CTNNA1: variants seen among roughly 807,000 people sequenced by gnomAD.
CTNNA1 encodes the protein catenin alpha 1.
Under a neutral mutation model 98.4 loss-of-function variants are expected in CTNNA1, and 37 were observed. The observed-to-expected ratio is 0.38, with a 90% confidence interval of 0.29 to 0.49. The LOEUF is 0.49. Ranked by LOEUF, CTNNA1 falls within the 20% of genes least tolerant of loss-of-function variation. The pLI, the probability that CTNNA1 is intolerant of heterozygous loss-of-function variation, is 0.95. For missense variants in CTNNA1, 761 were observed against 1,147.2 expected (o/e 0.66, Z 4.86); for synonymous variants, 404 against 413.2 (o/e 0.98, Z 0.27).
At chr5:138,813,969 G>A (rs943007324) in intron 5 of CTNNA1, among the ~76,000 whole-genome samples, 7 of 152,116 alleles carry the variant, frequency 4.6e-5, no homozygotes, top group Admixed American at 6.5e-5. Context: ...GGGCTTCTTA[G>A]TCATTTGGTT....
At chr5:138,854,974 T>C (rs1763593269) in intron 7 of CTNNA1, among the ~76,000 whole-genome samples, 1 of 152,152 alleles carries the variant, frequency 6.6e-6, no homozygotes, top group African/African-American at 2.4e-5. Flanking sequence ...GGATTTAGAG[T>C]GTGAAGAGCA....
intron 9 of CTNNA1, among the ~76,000 whole-genome samples, chr5:138,903,549 C>G (rs951065878): frequency 6.6e-6 from 1 of 152,196 alleles, no homozygotes; most frequent in Admixed American, 6.5e-5. Context: ...TTAGCAGTCA[C>G]TACGCAGTAA....
At chr5:138,837,397 CATTT>C (rs1424429216) in intron 7 of CTNNA1, among the ~76,000 whole-genome samples, 2 of 151,880 alleles carry the variant, frequency 1.3e-5, no homozygotes, top group Non-Finnish European at 2.9e-5. Flanking sequence ...CAGCCATACT[CATTT>C]AGTTGTTTCT....
chr5:138,755,845 C>CTTTTTTTTTTTTT (rs60260246), intron 1 of CTNNA1, among the ~76,000 whole-genome samples: 3 of 58,462 alleles, frequency 5.1e-5, no homozygotes, highest in Non-Finnish European at 9.4e-5. Context: ...GGATTTCCTT[C>CTTTTTTTTTTTTT]TTTTTTTTTT....
At chr5:138,798,401 G>A (rs142952831) in intron 3 of CTNNA1, among the ~76,000 whole-genome samples, 3 of 152,184 alleles carry the variant, frequency 2.0e-5, no homozygotes, top group Admixed American at 2.0e-4. Context: ...TTCTGGGAGA[G>A]AAGTAGTTAT....
chr5:138,929,512 G>C (rs578117313), intron 14 of CTNNA1, among the ~76,000 whole-genome samples, 156 bp downstream of exon 14: 2 of 152,270 alleles, frequency 1.3e-5, no homozygotes, highest in Admixed American at 1.3e-4. Context: ...TGTGGCACCT[G>C]CTAGTCAAAT....
At chr5:138,818,005 G>C (rs1759604158) in intron 5 of CTNNA1, among the ~76,000 whole-genome samples, 1 of 151,818 alleles carries the variant, frequency 6.6e-6, no homozygotes, top group Non-Finnish European at 1.5e-5. Flanking sequence ...TTGAGCCTTA[G>C]CCCCGTCCCT....
intron 7 of CTNNA1, among the ~76,000 whole-genome samples, chr5:138,849,576 C>T (rs1763010821): frequency 6.6e-6 from 1 of 152,164 alleles, no homozygotes; most frequent in African/African-American, 2.4e-5. Context: ...TATAGTTAAG[C>T]AGGGCTGACT....
intron 1 of CTNNA1, among the ~76,000 whole-genome samples, chr5:138,780,807 C>T (rs1490807506): frequency 4.6e-5 from 7 of 152,222 alleles, no homozygotes; most frequent in African/African-American, 1.7e-4. Flanking sequence ...TGAGCCACCA[C>T]GCCCAGCCTT....
At chr5:138,774,958 A>C (rs1345137159) in intron 1 of CTNNA1, among the ~76,000 whole-genome samples, 1 of 152,226 alleles carries the variant, frequency 6.6e-6, no homozygotes, top group Non-Finnish European at 1.5e-5. Context: ...TTGTACTCCA[A>C]AGTATCAAAA....
intron 9 of CTNNA1, among the ~76,000 whole-genome samples, chr5:138,892,692 T>C (rs934675021): frequency 6.6e-6 from 1 of 151,920 alleles, no homozygotes; most frequent in African/African-American, 2.4e-5. Context: ...TTTGGTACCT[T>C]TTTGCCTTTT....
At chr5:138,893,464 C>T (rs1441804368) in intron 9 of CTNNA1, among the ~76,000 whole-genome samples, 1 of 152,036 alleles carries the variant, frequency 6.6e-6, no homozygotes, top group Non-Finnish European at 1.5e-5. Context: ...ATGTTCTGTC[C>T]TATCAGGATT....
chr5:138,870,377 G>T (rs967442559), intron 7 of CTNNA1: 1 of 152,130 alleles, frequency 6.6e-6, no homozygotes, highest in Non-Finnish European at 1.5e-5. Flanking sequence ...ATACCTTTTT[G>T]GTACTACTGT....
At chr5:138,805,991 C>G (rs1758045353) in intron 3 of CTNNA1, among the ~76,000 whole-genome samples, 1 of 152,134 alleles carries the variant, frequency 6.6e-6, no homozygotes, top group Non-Finnish European at 1.5e-5. Flanking sequence ...TGAAGACTTA[C>G]ACCAGTGTTA....
At chr5:138,868,558 G>A (rs1765026724) in intron 7 of CTNNA1, among the ~76,000 whole-genome samples, 3 of 152,336 alleles carry the variant, frequency 2.0e-5, no homozygotes, top group African/African-American at 7.2e-5. Flanking sequence ...GCTCTCTGTG[G>A]TGTTAGTTCA....
chr5:138,791,341 G>A (rs919803026), intron 3 of CTNNA1, among the ~76,000 whole-genome samples: 1 of 151,916 alleles, frequency 6.6e-6, no homozygotes, highest in Non-Finnish European at 1.5e-5. Context: ...AATGTCGGCC[G>A]GGTGCGGTGG....
At position 138,871,363 on chromosome 5, in the gene CTNNA1, A is replaced by G. The variant is rs182035659; in HGVS notation, c.1063-14849A>G. ...TACAGTTTTTTCAATATGTGGAACA[A>G]TGTTTATGGAAAAGTTCTGTGTGAA... On this transcript the variant is annotated intron_variant, in intron 7 of 17. Transcript: ENST00000302763. The G allele has an allele frequency of 2.6e-5, 4 of 152,312 alleles. No homozygotes were observed. In the East Asian group the frequency reaches 7.7e-4, roughly 29 times the overall value. 9.4% of individuals were successfully genotyped at this position (152,312 alleles called of 1,614,324 possible).
At chr5:138,836,295 T>C (rs906606414) in intron 7 of CTNNA1, among the ~76,000 whole-genome samples, 8 of 152,268 alleles carry the variant, frequency 5.3e-5, no homozygotes, top group African/African-American at 1.9e-4. Flanking sequence ...TGCAATAGTT[T>C]TCTCTGTGTC....
chr5:138,918,318 A>G (rs1762225628), intron 11 of CTNNA1, among the ~76,000 whole-genome samples: 1 of 152,192 alleles, frequency 6.6e-6, no homozygotes, highest in Non-Finnish European at 1.5e-5. Flanking sequence ...TTATCAGCCT[A>G]TGAAACTTAG....
Sources: gnomAD v4.1 joint callset for allele counts (sites outside exome capture counted in the v4.1 genomes callset) on GRCh38, gnomAD v4.1.1 for gene constraint, MANE v1.5 for transcripts, NCBI Gene and HGNC (gene_info 2026-07-23, HGNC 2026-07-21) for gene names.